METTL15: variants seen among roughly 807,000 people sequenced by gnomAD.
METTL15 encodes 12S rRNA N(4)-cytidine methyltransferase METTL15.
Under a neutral mutation model 38.3 loss-of-function variants are expected in METTL15, and 34 were observed. That is an observed-to-expected ratio of 0.89 (90% CI 0.68 to 1.18). METTL15 has a LOEUF of 1.18. METTL15 is among the 50% of genes most tolerant of loss of function. METTL15 has a pLI of 0.00. For synonymous variants in METTL15, 162 were observed against 170.9 expected (o/e 0.95, Z 0.41); for missense variants, 438 against 498.4 (o/e 0.88, Z 1.15).
intron 5 of METTL15, among the ~76,000 whole-genome samples, chr11:28,407,921 A>G (rs944120318): frequency 1.3e-5 from 2 of 152,214 alleles, no homozygotes; most frequent in African/African-American, 4.8e-5. Context: ...CCCATAAATG[A>G]TAGACTAGAT....
At chr11:28,412,802 A>G (rs746251622) in intron 5 of METTL15, among the ~76,000 whole-genome samples, 1 of 152,010 alleles carries the variant, frequency 6.6e-6, no homozygotes, top group Non-Finnish European at 1.5e-5. Flanking sequence ...GCATAGAATG[A>G]ACAAGTCTGG....
chr11:28,459,804 T>C (rs1851199337), intron 6 of METTL15, among the ~76,000 whole-genome samples: 2 of 152,174 alleles, frequency 1.3e-5, no homozygotes, highest in African/African-American at 2.4e-5. Context: ...GATAAGTGTA[T>C]GTTTGTCCCT....
At chr11:28,458,035 G>T (rs1018622839) in intron 6 of METTL15, among the ~76,000 whole-genome samples, 3 of 152,188 alleles carry the variant, frequency 2.0e-5, no homozygotes, top group Admixed American at 6.5e-5. Flanking sequence ...AGGGGCAGAA[G>T]GATATCACCA....
intron 3 of METTL15, among the ~76,000 whole-genome samples, chr11:28,202,117 G>A (rs375949713): frequency 1.3e-5 from 2 of 152,022 alleles, no homozygotes; most frequent in Admixed American, 1.3e-4. Context: ...TGTTAACAGT[G>A]TAGTAAGAAA....
At chr11:28,315,970 C>T (rs1466314489) in intron 6 of METTL15, among the ~76,000 whole-genome samples, 6 of 152,242 alleles carry the variant, frequency 3.9e-5, no homozygotes, top group Non-Finnish European at 5.9e-5. Context: ...ATGTTTGCTG[C>T]AGGGCTTGGG....
At chr11:28,119,826 A>G (rs1852134293) in intron 3 of METTL15, among the ~76,000 whole-genome samples, 1 of 152,170 alleles carries the variant, frequency 6.6e-6, no homozygotes, top group South Asian at 2.1e-4. Context: ...AAATACTAAA[A>G]CTGTATGTTT....
At chr11:28,141,395 A>G (rs897421966) in intron 3 of METTL15, among the ~76,000 whole-genome samples, 3 of 152,140 alleles carry the variant, frequency 2.0e-5, no homozygotes, top group Non-Finnish European at 4.4e-5. Flanking sequence ...TAGTGCTGTT[A>G]TCTAAAGGAG....
At chr11:28,130,913 G>T (rs1852741751) in intron 3 of METTL15, among the ~76,000 whole-genome samples, 1 of 152,142 alleles carries the variant, frequency 6.6e-6, no homozygotes, top group Admixed American at 6.5e-5. Flanking sequence ...TTTGTTTTAG[G>T]CTTGGATAAT....
intron 5 of METTL15, among the ~76,000 whole-genome samples, chr11:28,292,718 C>G (rs1296049375): frequency 2.6e-5 from 4 of 152,142 alleles, no homozygotes; most frequent in African/African-American, 9.7e-5. Context: ...TCTCCAGCGC[C>G]TGTTGTTTCC....
chr11:28,368,163 A>C (rs1331852828), intron 5 of METTL15, among the ~76,000 whole-genome samples: 29 of 150,684 alleles, frequency 1.9e-4, no homozygotes, highest in Admixed American at 1.2e-3. Flanking sequence ...AAAAAAAAAA[A>C]CAAAGAAAAA....
At chr11:28,514,512 C>T (rs1319400114) in intron 6 of METTL15, among the ~76,000 whole-genome samples, 1 of 152,156 alleles carries the variant, frequency 6.6e-6, no homozygotes, top group East Asian at 1.9e-4. Flanking sequence ...AAGATAATTC[C>T]CTTTGTGGTT....
chr11:28,414,405 T>C (rs142796454), intron 5 of METTL15, among the ~76,000 whole-genome samples: 2 of 152,202 alleles, frequency 1.3e-5, no homozygotes, highest in East Asian at 3.9e-4. Flanking sequence ...GAAGACAGCT[T>C]ATCTGGGATG....
At chr11:28,111,937 A>G (rs1000347597) in intron 2 of METTL15, among the ~76,000 whole-genome samples, 1 of 152,104 alleles carries the variant, frequency 6.6e-6, no homozygotes, top group African/African-American at 2.4e-5. Context: ...AAGCAACCAA[A>G]AATCTACTTA....
intron 6 of METTL15, among the ~76,000 whole-genome samples, chr11:28,314,246 A>T (rs1857402966): frequency 6.6e-6 from 1 of 152,230 alleles, no homozygotes; most frequent in Admixed American, 6.5e-5. Flanking sequence ...AGTAGGAAAG[A>T]TAAATATTTT....
chr11:28,118,855 G>GTT (rs1446207423), intron 3 of METTL15, among the ~76,000 whole-genome samples: 1 of 152,168 alleles, frequency 6.6e-6, no homozygotes, highest in African/African-American at 2.4e-5. Context: ...GATTAGATGA[G>GTT]TTAATATACA....
intron 3 of METTL15, among the ~76,000 whole-genome samples, chr11:28,140,844 G>A (rs891906905): frequency 1.3e-5 from 2 of 152,128 alleles, no homozygotes; most frequent in Non-Finnish European, 2.9e-5. Flanking sequence ...TCCCCTGTGG[G>A]CGTGTGGGCA....
intron 6 of METTL15, among the ~76,000 whole-genome samples, chr11:28,444,151 G>T (rs1194089490): frequency 3.3e-5 from 5 of 152,048 alleles, no homozygotes; most frequent in Non-Finnish European, 5.9e-5. Flanking sequence ...TAATAACACT[G>T]TAAAGAATAT....
At chr11:28,219,915 G>A (rs1427833424) in intron 4 of METTL15, among the ~76,000 whole-genome samples, 1 of 152,056 alleles carries the variant, frequency 6.6e-6, no homozygotes, top group Non-Finnish European at 1.5e-5. Context: ...ATTGCACTAT[G>A]GTCTGAGAGA....
chr11:28,160,716 T>C (rs1332887124), intron 3 of METTL15, among the ~76,000 whole-genome samples: 2 of 152,164 alleles, frequency 1.3e-5, no homozygotes, highest in African/African-American at 2.4e-5. Context: ...ATTATAGTTA[T>C]TTGAAAATCT....
Sources: allele counts gnomAD v4.1 joint callset (sites outside exome capture counted in the v4.1 genomes callset), GRCh38; gene constraint gnomAD v4.1.1; transcripts MANE v1.5; gene names NCBI Gene and HGNC (gene_info 2026-07-23, HGNC 2026-07-21).